The following MACROD2 variants were observed in gnomAD, a reference collection of about 807,000 sequenced individuals.
MACROD2 encodes the protein mono-ADP ribosylhydrolase 2, also known as ADP-ribose glycohydrolase MACROD2.
MACROD2 carries 36 observed loss-of-function variants against 70.4 expected under a neutral mutation model. That is an observed-to-expected ratio of 0.51 (90% CI 0.39 to 0.68). The LOEUF is 0.68. Among genes scored for constraint, MACROD2 ranks in the 30% least tolerant of loss-of-function variants. The pLI is 0.00. For synonymous variants in MACROD2, 172 were observed against 178.8 expected (o/e 0.96, Z 0.30); for missense variants, 496 against 538.4 (o/e 0.92, Z 0.78).
chr20:14,065,146 A>G (rs899427160), intron 2 of MACROD2, among the ~76,000 whole-genome samples: 1 of 152,192 alleles, frequency 6.6e-6, no homozygotes, highest in African/African-American at 2.4e-5. Flanking sequence ...CCAAGGCTGC[A>G]CGTAACAGAA....
At chr20:15,271,314 C>G (rs139436562) in intron 6 of MACROD2, among the ~76,000 whole-genome samples, 1 of 152,158 alleles carries the variant, frequency 6.6e-6, no homozygotes, top group African/African-American at 2.4e-5. Flanking sequence ...TAGAAGGGCG[C>G]TAATCCCATT....
chr20:15,574,274 C>T (rs1000954970), intron 8 of MACROD2, among the ~76,000 whole-genome samples: 1 of 152,036 alleles, frequency 6.6e-6, no homozygotes. Context: ...GTGAGAGAAA[C>T]ATCAGCTCTT....
At chr20:14,624,870 C>G (rs1310837305) in intron 4 of MACROD2, among the ~76,000 whole-genome samples, 1 of 152,222 alleles carries the variant, frequency 6.6e-6, no homozygotes, top group Non-Finnish European at 1.5e-5. Flanking sequence ...TGCTGCAGCA[C>G]TACTACCTCA....
At chr20:14,618,967 CT>C (rs1983642251) in intron 4 of MACROD2, among the ~76,000 whole-genome samples, 1 of 151,952 alleles carries the variant, frequency 6.6e-6, no homozygotes, top group Non-Finnish European at 1.5e-5. Context: ...AAAAATACTT[CT>C]TGTATAAAAT....
chr20:15,009,422 C>G (rs901491481), intron 5 of MACROD2, among the ~76,000 whole-genome samples: 2 of 152,252 alleles, frequency 1.3e-5, no homozygotes, highest in Middle Eastern at 3.4e-3. Context: ...CTCTAATCAA[C>G]TTTTCACACT....
At chr20:15,057,582 A>G (rs1352173885) in intron 5 of MACROD2, among the ~76,000 whole-genome samples, 1 of 152,182 alleles carries the variant, frequency 6.6e-6, no homozygotes, top group Admixed American at 6.5e-5. Context: ...CCACCTTGCA[A>G]CCATGACACT....
At chr20:14,838,312 C>T (rs1314013647) in intron 5 of MACROD2, among the ~76,000 whole-genome samples, 1 of 152,030 alleles carries the variant, frequency 6.6e-6, no homozygotes, top group African/African-American at 2.4e-5. Context: ...GATGGTTCTA[C>T]ATTTTATGTT....
intron 5 of MACROD2, among the ~76,000 whole-genome samples, chr20:15,146,161 A>G (rs1021588555): frequency 4.6e-5 from 7 of 152,136 alleles, no homozygotes; most frequent in African/African-American, 1.2e-4. Flanking sequence ...TGTCTTCTAT[A>G]TAAGTATTTT....
intron 5 of MACROD2, among the ~76,000 whole-genome samples, chr20:14,788,928 C>T (rs1165802714): frequency 2.0e-5 from 3 of 151,490 alleles, no homozygotes; most frequent in Non-Finnish European, 4.4e-5. Flanking sequence ...ACCACGATGC[C>T]CGGCTAATTT....
At chr20:15,423,723 G>T (rs754154737) in intron 6 of MACROD2, among the ~76,000 whole-genome samples, 8 of 152,026 alleles carry the variant, frequency 5.3e-5, no homozygotes, top group African/African-American at 1.9e-4. Flanking sequence ...CCTCCCAAAG[G>T]CTCCACCTCC....
At chr20:14,275,788 A>G (rs1417311576) in intron 3 of MACROD2, among the ~76,000 whole-genome samples, 3 of 151,966 alleles carry the variant, frequency 2.0e-5, no homozygotes, top group Non-Finnish European at 4.4e-5. Flanking sequence ...TTTACAAGAA[A>G]AAAACAACCC....
At chr20:14,037,238 C>G (rs144449359) in intron 2 of MACROD2, among the ~76,000 whole-genome samples, 31 of 152,218 alleles carry the variant, frequency 2.0e-4, no homozygotes, top group African/African-American at 7.0e-4. Context: ...AACATGATTG[C>G]AATTTTGTAG....
intron 5 of MACROD2, among the ~76,000 whole-genome samples, chr20:15,187,293 G>A (rs1317333766): frequency 6.6e-6 from 1 of 152,194 alleles, no homozygotes; most frequent in Non-Finnish European, 1.5e-5. Context: ...TTTCAGACAT[G>A]TTAAAATATG....
chr20:16,003,074 CCACCCACCCACACA>C (rs1270891464), intron 15 of MACROD2, among the ~76,000 whole-genome samples: 6 of 37,640 alleles, frequency 1.6e-4, no homozygotes, highest in Admixed American at 8.8e-4. Flanking sequence ...GAAAACCCAC[CCACCCACCCACACA>C]CACACACACA....
intron 2 of MACROD2, among the ~76,000 whole-genome samples, chr20:14,057,062 A>G (rs1398363536): frequency 1.3e-5 from 2 of 152,256 alleles, no homozygotes; most frequent in Middle Eastern, 3.4e-3. Context: ...TCCAAATGGG[A>G]AAAACAATGA....
intron 5 of MACROD2, among the ~76,000 whole-genome samples, chr20:14,829,578 A>C (rs1240020801): frequency 6.6e-6 from 1 of 152,026 alleles, no homozygotes; most frequent in Admixed American, 6.6e-5. Flanking sequence ...AGTCATAAGC[A>C]AAAATGAGGG....
At chr20:14,731,553 G>C (rs1017021143) in intron 5 of MACROD2, among the ~76,000 whole-genome samples, 2 of 152,130 alleles carry the variant, frequency 1.3e-5, no homozygotes, top group Non-Finnish European at 2.9e-5. Context: ...TTGCTAGGTA[G>C]GAGTCTGCTA....
At chr20:14,661,462 C>G (rs6042842) in intron 4 of MACROD2, among the ~76,000 whole-genome samples, 8,645 of 152,034 alleles carry the variant, frequency 0.057, 803 homozygotes, top group African/African-American at 0.2. Context: ...ACCTTTATCA[C>G]ATGCATACTT....
chr20:14,255,534 G>T (rs2082047850), intron 3 of MACROD2, among the ~76,000 whole-genome samples: 2 of 151,322 alleles, frequency 1.3e-5, no homozygotes, highest in Admixed American at 6.6e-5. Flanking sequence ...GGGGCCTGTT[G>T]TGGGGTGGGG....
Sources: allele counts gnomAD v4.1 joint callset (sites outside exome capture counted in the v4.1 genomes callset), GRCh38; gene constraint gnomAD v4.1.1; transcripts MANE v1.5; gene names NCBI Gene and HGNC (gene_info 2026-07-23, HGNC 2026-07-21).